ADA: variants seen among roughly 807,000 people sequenced by gnomAD.
The protein encoded by ADA is adenosine deaminase.
In ADA, 45 loss-of-function variants were observed where a neutral mutation model predicts 49.0. The observed-to-expected ratio is 0.92, with a 90% CI of 0.72 to 1.18. ADA has a LOEUF of 1.18. Ranked by LOEUF, ADA falls within the 50% of genes most tolerant of loss-of-function variation. ADA has a pLI of 0.00. For synonymous variants in ADA, 173 were observed against 184.2 expected (o/e 0.94, Z 0.49); for missense variants, 445 against 472.5 (o/e 0.94, Z 0.54).
chr20:44,636,496 C>G lies in ADA; in HGVS notation c.34-208G>C, dbSNP rs369401343. On this transcript the variant is annotated intron_variant, in intron 1 of 11. Transcript: ENST00000372874. ...ATCCGCTCCTGGGATGTGGGTTCAGCTGTTATCTCGATCTCTTTCACAATT... is the reference window on the plus strand; with the variant it reads ...ATCCGCTCCTGGGATGTGGGTTCAGGTGTTATCTCGATCTCTTTCACAATT... 3.3e-5 allele frequency among the ~76,000 whole-genome samples: 5 copies of G among 152,164 alleles called. No homozygotes were observed. In the East Asian group the frequency reaches 9.6e-4, roughly 29 times the overall value.
At chr20:44,645,841 G>A (rs1423851512) in intron 1 of ADA, among the ~76,000 whole-genome samples, 1 of 152,174 alleles carries the variant, frequency 6.6e-6, no homozygotes. Flanking sequence ...CAGACCCAGA[G>A]AGCCTGACCC....
At chr20:44,625,212 C>G (rs189492288) in intron 5 of ADA, among the ~76,000 whole-genome samples, 29 of 152,282 alleles carry the variant, frequency 1.9e-4, no homozygotes, top group Non-Finnish European at 2.9e-4. Flanking sequence ...GAAATCAGAC[C>G]TATTCAGGCC....
At chr20:44,642,165 C>A (rs1705982631) in intron 1 of ADA, among the ~76,000 whole-genome samples, 1 of 152,214 alleles carries the variant, frequency 6.6e-6, no homozygotes, top group African/African-American at 2.4e-5. Flanking sequence ...ATCTTCCCAT[C>A]TGCCTGGGGC....
intron 1 of ADA, among the ~76,000 whole-genome samples, chr20:44,651,050 G>A (rs1346903393): frequency 6.6e-6 from 1 of 152,170 alleles, no homozygotes; most frequent in Non-Finnish European, 1.5e-5. Context: ...GGGAAGGGGG[G>A]TGCTCTGCTC....
At chr20:44,642,845 C>T (rs962092957) in intron 1 of ADA, among the ~76,000 whole-genome samples, 8 of 152,200 alleles carry the variant, frequency 5.3e-5, no homozygotes, top group Non-Finnish European at 1.2e-4. Context: ...AGAAGCCAGA[C>T]AGTGCCGGGG....
rs760711536 is a variant in ADA at position 44,651,624 on chromosome 20, C to G, written c.-17G>C. On this transcript the variant is annotated 5_prime_UTR_variant, in exon 1 of 12. Transcript: ENST00000372874. ...CTGGGCCATGGTGCCCTCGTGCGCCCCGGCGCTGCTCCCTCCGCCGCCGCT... is the reference window on the plus strand; with the variant it reads ...CTGGGCCATGGTGCCCTCGTGCGCCGCGGCGCTGCTCCCTCCGCCGCCGCT... 10 of 1,526,806 alleles carry G rather than the reference C, an allele frequency of 6.5e-6. No homozygotes were observed. The African/African-American group carries it at 9.9e-5, about 15-fold the overall frequency. The allele number at this position is 1,526,806 out of a possible 1,614,324, so 94.6% of individuals were successfully genotyped here.
chr20:44,620,631 T>C (rs1213859746), intron 10 of ADA: 4 of 607,148 alleles, frequency 6.6e-6, no homozygotes, highest in Middle Eastern at 4.4e-4. Flanking sequence ...GGAGAAACCT[T>C]TGAGAGACAG....
intron 1 of ADA, among the ~76,000 whole-genome samples, chr20:44,640,951 G>A (rs1424894409): frequency 6.6e-6 from 1 of 151,976 alleles, no homozygotes; most frequent in East Asian, 1.9e-4. Flanking sequence ...GTGGGCATGT[G>A]GCTCTGATGA....
At chr20:44,647,207 G>A (rs1431120143) in intron 1 of ADA, among the ~76,000 whole-genome samples, 1 of 152,060 alleles carries the variant, frequency 6.6e-6, no homozygotes, top group Non-Finnish European at 1.5e-5. Flanking sequence ...GGCTGAGGTG[G>A]GCGGATCACC....
At position 44,619,681 on chromosome 20, in the gene ADA, C is replaced by T. The variant is rs1028094381; in HGVS notation, c.*153G>A. The T allele has an allele frequency of 2.0e-6, 2 of 995,938 alleles. No individual in the cohort carries two copies. The highest frequency in any genetic ancestry group is 1.6e-5 in the African/African-American group (1 of 62,766). 61.7% of individuals were successfully genotyped at this position (995,938 alleles called of 1,614,324 possible). A position where few individuals can be genotyped will look rare whatever the true frequency, so the allele number is the denominator to read the frequency against. On this transcript the variant is annotated 3_prime_UTR_variant, in exon 12 of 12. Transcript: ENST00000372874. ...AGTGACGCGGCCATGCCGAGGTATA[C>T]GTGTGTGCAGAAATGGACACATAGG...
At chr20:44,644,820 G>A (rs1038616823) in intron 1 of ADA, among the ~76,000 whole-genome samples, 1 of 152,188 alleles carries the variant, frequency 6.6e-6, no homozygotes, top group African/African-American at 2.4e-5. Flanking sequence ...TCCTGCTGAC[G>A]GGGCCTGACA....
In ADA at chr20:44,621,052, T is replaced by C. The variant is rs547569818; in HGVS notation, c.941A>G (p.Asp314Gly). The change falls in exon 10 of 12, where the codon GAC becomes GGC. Residue 314 changes from aspartate to glycine, a missense_variant. Physicochemically the swap from Asp to Gly is moderately conservative, Grantham distance 94 (BLOSUM62 -1). Transcript: ENST00000372874. The stretch of plus-strand genomic sequence containing the variant: ...AAACTCCTCTTCAGTAAAGCCCATG[T>C]CCCGTTTGGTCATCTGGTAATCAGT... The part of the protein sequence containing the change: ...LDTDYQMTKR[D>G]MGFTEEEFKR... 3.1e-5 allele frequency: 50 copies of C among 1,614,148 alleles called. No homozygotes were observed. The East Asian group carries it at 7.6e-4, about 24-fold the overall frequency.
chr20:44,622,953 C>A (rs1393339956), intron 7 of ADA, 23 bp from the exon 8 acceptor site: 2 of 1,614,090 alleles, frequency 1.2e-6, no homozygotes, highest in African/African-American at 2.7e-5. Flanking sequence ...AGAATAGAGC[C>A]AAGTATGGGA....
At chr20:44,646,189 A>G (rs1409440061) in intron 1 of ADA, among the ~76,000 whole-genome samples, 1 of 152,110 alleles carries the variant, frequency 6.6e-6, no homozygotes, top group African/African-American at 2.4e-5. Flanking sequence ...TGAATGCAGG[A>G]TTGGGAAGCT....
rs2145332889 is a variant in ADA, at chr20:44,633,262, G to A, written c.95+2965C>T. 1.3e-5 allele frequency among the ~76,000 whole-genome samples: 2 copies of A among 152,330 alleles called. 1 individual carries two copies. Among genetic ancestry groups the A allele is most frequent in the African/African-American group, 4.8e-5 (2 of 41,586 alleles). ...TATTTTCCATGTAGGGGTGCACAGA[G>A]GAAGAAATGAAACTTTGTGTGTCAT... On this transcript the variant is annotated intron_variant, in intron 2 of 11. Coordinates refer to ENST00000372874, the MANE Select transcript of ADA (RefSeq NM_000022.4).
At chr20:44,643,630 A>G (rs1440906223) in intron 1 of ADA, among the ~76,000 whole-genome samples, 3 of 152,116 alleles carry the variant, frequency 2.0e-5, no homozygotes, top group African/African-American at 7.2e-5. Flanking sequence ...GCCTCAGCCC[A>G]AGCCCTGCCC....
At chr20:44,625,950 C>G (rs574495095) in intron 4 of ADA, among the ~76,000 whole-genome samples, 130 of 152,324 alleles carry the variant, frequency 8.5e-4, no homozygotes, top group African/African-American at 3.0e-3. Context: ...GACAGCATTG[C>G]TAAGCTTGGG....
rs746917604 is a variant in ADA, at chr20:44,625,629, C to G, written c.418G>C (p.Gly140Arg). The G allele has an allele frequency of 2.5e-6, 4 of 1,583,704 alleles. No homozygotes were observed. The highest frequency in any genetic ancestry group is 3.4e-6 in the Non-Finnish European group (4 of 1,164,480). Residue 140 changes from glycine to arginine, a missense_variant, in exon 5 of 12, where the codon GGG becomes CGG. By Grantham distance (125) the Gly-to-Arg change is moderately radical (BLOSUM62 -2). Coordinates refer to ENST00000372874, the MANE Select transcript of ADA (RefSeq NM_000022.4). ...GCCTTGACCCCGAAGTCTCGCTCCCCCTCCTGCAGGCCCTGGCCCACTAGG... is the reference window on the plus strand; with the variant it reads ...GCCTTGACCCCGAAGTCTCGCTCCCGCTCCTGCAGGCCCTGGCCCACTAGG... Reference protein sequence around the residue: ...VALVGQGLQEGERDFGVKARS... With the variant: ...VALVGQGLQERERDFGVKARS...
chr20:44,623,864 C>T (rs529060687), intron 6 of ADA: 1 of 387,748 alleles, frequency 2.6e-6, no homozygotes, highest in East Asian at 7.2e-5. Flanking sequence ...TCTCCCACCT[C>T]AGCCTCCCAA....
Sources: gnomAD v4.1 joint callset for allele counts (sites outside exome capture counted in the v4.1 genomes callset) on GRCh38, gnomAD v4.1.1 for gene constraint, MANE v1.5 for transcripts, NCBI Gene and HGNC (gene_info 2026-07-23, HGNC 2026-07-21) for gene names.